The following RGS7 variants were observed in gnomAD, a reference collection of about 807,000 sequenced individuals.
The protein encoded by RGS7 is regulator of G protein signaling 7, also known as regulator of G-protein signaling 7.
In RGS7, 27 loss-of-function variants were observed where a neutral mutation model predicts 81.1. The observed-to-expected ratio is 0.33, with a 90% CI of 0.25 to 0.46. The LOEUF is 0.46. Ranked by LOEUF, RGS7 falls within the 20% of genes least tolerant of loss-of-function variation. RGS7 has a pLI of 1.00. For synonymous variants in RGS7, 208 were observed against 207.7 expected, an observed-to-expected ratio of 1.00 and a Z score of -0.01; for missense variants, 396 against 607.4, an observed-to-expected ratio of 0.65 and a Z score of 3.66.
At chr1:240,840,304 C>T (rs1354024850) in intron 9 of RGS7, among the ~76,000 whole-genome samples, 4 of 151,276 alleles carry the variant, frequency 2.6e-5, no homozygotes, top group South Asian at 2.1e-4. Flanking sequence ...GATGGAGTCT[C>T]GCTCCATTGC....
chr1:240,931,342 C>T (rs1295543607), intron 5 of RGS7, among the ~76,000 whole-genome samples: 1 of 152,156 alleles, frequency 6.6e-6, no homozygotes, highest in Non-Finnish European at 1.5e-5. Context: ...CTAAATTCCT[C>T]TTGTAACTAA....
At chr1:241,245,001 A>G (rs967037574) in intron 2 of RGS7, among the ~76,000 whole-genome samples, 2 of 151,588 alleles carry the variant, frequency 1.3e-5, no homozygotes, top group Non-Finnish European at 2.9e-5. Context: ...AGATATACCT[A>G]ATGTTAAATG....
intron 2 of RGS7, among the ~76,000 whole-genome samples, chr1:241,207,002 T>A (rs546445454): frequency 0.018 from 2,286 of 126,306 alleles, 45 homozygotes; most frequent in Non-Finnish European, 0.027. Flanking sequence ...GGAGTCTCGC[T>A]CTGTTGCCCA....
intron 4 of RGS7, among the ~76,000 whole-genome samples, chr1:240,956,025 G>C (rs1217683285): frequency 6.6e-6 from 1 of 152,168 alleles, no homozygotes; most frequent in Admixed American, 6.5e-5. Context: ...TACATACCAG[G>C]ATGAGTTTGT....
intron 3 of RGS7, chr1:240,998,817 G>A: frequency 1.6e-6 from 1 of 619,598 alleles, no homozygotes. Context: ...TGTGGGGCTG[G>A]CGCTGCCGGA....
intron 2 of RGS7, among the ~76,000 whole-genome samples, chr1:241,274,738 C>T (rs886715054): frequency 3.9e-5 from 6 of 152,172 alleles, no homozygotes; most frequent in African/African-American, 4.8e-5. Flanking sequence ...AACCTCATTA[C>T]GGCCCATGGA....
chr1:241,049,539 G>C (rs2061137134), intron 3 of RGS7, among the ~76,000 whole-genome samples: 1 of 152,140 alleles, frequency 6.6e-6, no homozygotes, highest in East Asian at 1.9e-4. Context: ...TCAGGAGAAA[G>C]GGCTTTCCCC....
intron 2 of RGS7, among the ~76,000 whole-genome samples, chr1:241,252,875 G>A (rs1485631913): frequency 6.6e-6 from 1 of 152,140 alleles, no homozygotes; most frequent in Non-Finnish European, 1.5e-5. Flanking sequence ...TCTCCCCAAA[G>A]CACACTGCCC....
At position 241,348,433 on chromosome 1, in the gene RGS7, C is replaced by T. The variant is rs149204516; in HGVS notation, c.78+7266G>A. Among the ~76,000 whole-genome samples the T allele has an allele frequency of 3.7e-3, 560 of 152,286 alleles. 4 individuals are homozygous for T. The highest frequency in any genetic ancestry group is 3.3e-3 in the Non-Finnish European group (226 of 68,022). On this transcript the variant is annotated intron_variant, in intron 2 of 18. Coordinates refer to ENST00000440928, the MANE Select transcript of RGS7 (RefSeq NM_001364886.1). ...AGATATCCTGGTATAATCCACGATG[C>T]CCATGAAGCAACCAGGATGCTGATT...
chr1:241,304,599 G>T (rs574894815), intron 2 of RGS7, among the ~76,000 whole-genome samples: 17 of 152,268 alleles, frequency 1.1e-4, no homozygotes, highest in African/African-American at 3.9e-4. Flanking sequence ...GTAGGGGCCG[G>T]GAGCGGGTGT....
rs1475997403 is a variant in RGS7 at position 241,357,169 on chromosome 1, C to G, written c.-321G>C. 1 of 152,094 alleles carries G rather than the reference C, an allele frequency of 6.6e-6. No homozygotes were observed. The highest frequency in any genetic ancestry group is 6.5e-5 in the Admixed American group (1 of 15,276). The allele number at this position is 152,094 out of a possible 1,614,324, so 9.4% of individuals were successfully genotyped here. On this transcript the variant is annotated 5_prime_UTR_variant, in exon 1 of 19. Transcript: ENST00000440928. ...GCTCTCTCCCTCCTCCGCTTCTTCT[C>G]CCGGGGACTGGGACCAGCCGAGCGC...
intron 18 of RGS7, 45 bp from the exon 19 acceptor site, chr1:240,776,258 C>G (rs752150342): frequency 4.1e-6 from 6 of 1,457,712 alleles, no homozygotes; most frequent in Non-Finnish European, 5.8e-6. Context: ...AAATCAAGTA[C>G]GATCACTGAA....
intron 3 of RGS7, among the ~76,000 whole-genome samples, chr1:241,059,103 A>G (rs1024348332): frequency 6.6e-6 from 1 of 152,150 alleles, no homozygotes; most frequent in African/African-American, 2.4e-5. Context: ...TGGATAACAC[A>G]GTGCTGCTGA....
chr1:241,062,696 C>T (rs893236789), intron 3 of RGS7, among the ~76,000 whole-genome samples: 1 of 152,230 alleles, frequency 6.6e-6, no homozygotes, highest in South Asian at 2.1e-4. Context: ...CCCCAAAGGT[C>T]TTTGCTTCCC....
intron 2 of RGS7, among the ~76,000 whole-genome samples, chr1:241,190,501 A>C (rs890878985): frequency 5.3e-5 from 8 of 152,196 alleles, no homozygotes; most frequent in African/African-American, 1.9e-4. Context: ...TCCTTTGATT[A>C]GTACTGTAGT....
chr1:240,968,796 C>T (rs185908995), intron 4 of RGS7, among the ~76,000 whole-genome samples: 12 of 152,280 alleles, frequency 7.9e-5, no homozygotes, highest in African/African-American at 2.9e-4. Context: ...GCCCTTATCA[C>T]ACTTTTTGTA....
At chr1:240,839,217 TC>T (rs1695202505) in intron 9 of RGS7, among the ~76,000 whole-genome samples, 1 of 152,202 alleles carries the variant, frequency 6.6e-6, no homozygotes, top group Admixed American at 6.5e-5. Flanking sequence ...CATCCTTGAC[TC>T]CAGCGCATCT....
chr1:241,199,331 C>T (rs1045283439), intron 2 of RGS7, among the ~76,000 whole-genome samples: 2 of 151,648 alleles, frequency 1.3e-5, no homozygotes, highest in Admixed American at 1.3e-4. Flanking sequence ...GGTGGCATGC[C>T]TATAGTCTCA....
At chr1:240,887,752 G>A (rs1667626461) in intron 6 of RGS7, among the ~76,000 whole-genome samples, 1 of 152,148 alleles carries the variant, frequency 6.6e-6, no homozygotes, top group East Asian at 1.9e-4. Flanking sequence ...TTTAAAACAT[G>A]TAACTAGTTT....
Sources: allele counts gnomAD v4.1 joint callset (sites outside exome capture counted in the v4.1 genomes callset), GRCh38; gene constraint gnomAD v4.1.1; transcripts MANE v1.5; gene names NCBI Gene and HGNC (gene_info 2026-07-23, HGNC 2026-07-21).